The following CHM variants were observed in gnomAD, a reference collection of about 807,000 sequenced individuals.
The protein encoded by CHM is rab proteins geranylgeranyltransferase component A 1.
CHM carries 10 observed loss-of-function variants against 49.0 expected under a neutral mutation model. The ratio of observed to expected loss-of-function variants is 0.20; its 90% CI spans 0.13 to 0.35. CHM has a LOEUF of 0.35. CHM is among the 10% of genes least tolerant of loss of function. CHM has a pLI of 1.00. For missense variants in CHM, 455 were observed against 478.4 expected, an observed-to-expected ratio of 0.95 and a Z score of 0.46; for synonymous variants, 184 against 167.5, an observed-to-expected ratio of 1.10 and a Z score of -0.76.
chrX:86,003,442 G>C (rs1362633290), intron 2 of CHM, among the ~76,000 whole-genome samples: 1 of 112,042 alleles, frequency 8.9e-6, no homozygotes, highest in African/African-American at 3.2e-5. Flanking sequence ...GCTTCAGAAG[G>C]TCGGTAATAA....
chrX:85,865,642 T>C (rs1028143714), intron 14 of CHM, among the ~76,000 whole-genome samples: 1 of 111,465 alleles, frequency 9.0e-6, no homozygotes, highest in Non-Finnish European at 1.9e-5. Flanking sequence ...TGGGAAAATT[T>C]GGAACTTTCT....
intron 2 of CHM, among the ~76,000 whole-genome samples, chrX:85,985,003 C>T (rs1040595134): frequency 3.6e-5 from 4 of 111,525 alleles, no homozygotes; most frequent in Non-Finnish European, 7.5e-5. Context: ...AGGTTAGACC[C>T]CCATACATAC....
intron 9 of CHM, among the ~76,000 whole-genome samples, chrX:85,901,453 A>G (rs1456355563): frequency 1.8e-5 from 2 of 111,439 alleles, no homozygotes; most frequent in Non-Finnish European, 3.8e-5. Flanking sequence ...TAATAAGAAT[A>G]AAGTCAGGAT....
At chrX:85,938,459 CTT>C (rs1928911892) in intron 8 of CHM, among the ~76,000 whole-genome samples, 1 of 109,532 alleles carries the variant, frequency 9.1e-6, no homozygotes, top group Non-Finnish European at 1.9e-5. Flanking sequence ...GGGATAGAAG[CTT>C]TTTGTCAATC....
chrX:85,905,250 G>A (rs1048290423), intron 9 of CHM, among the ~76,000 whole-genome samples: 1 of 110,564 alleles, frequency 9.0e-6, no homozygotes, highest in African/African-American at 3.3e-5. Flanking sequence ...TTTTGATTCC[G>A]CTTTATAAAT....
At chrX:85,890,865 G>A (rs779040051) in intron 12 of CHM, among the ~76,000 whole-genome samples, 2 of 111,790 alleles carry the variant, frequency 1.8e-5, no homozygotes, top group Non-Finnish European at 3.8e-5. Context: ...ACAGGAAAAT[G>A]TGGGAAAGTT....
Position 85,956,287 on chromosome X carries a change from T to C in CHM, c.1032A>G (p.Thr344=). 1 of 1,211,950 alleles carries C rather than the reference T, an allele frequency of 8.3e-7. No individual in the cohort carries two copies. The highest frequency in any genetic ancestry group is 1.1e-6 in the Non-Finnish European group (1 of 895,503). The part of the protein sequence containing the change: ...QYIVMHSIAM[T]SETASSTIDG... ...CTATGGTGCTGCTGGCTGTCTCTGA[T>C]GTCATTGCAATTGAATGCATGACAA... Residue 344 remains threonine, a synonymous_variant, in exon 8 of 15, where the codon ACA becomes ACG. Transcript: ENST00000357749.
At chrX:85,967,861 C>T (rs1308358833) in intron 4 of CHM, among the ~76,000 whole-genome samples, 1 of 111,303 alleles carries the variant, frequency 9.0e-6, no homozygotes, top group Non-Finnish European at 1.9e-5. Flanking sequence ...TCTAGTACTG[C>T]TTCCCAATTA....
intron 5 of CHM, among the ~76,000 whole-genome samples, chrX:85,962,620 G>A (rs1449663375): frequency 9.0e-6 from 1 of 111,652 alleles, no homozygotes; most frequent in African/African-American, 3.3e-5. Context: ...TGCTAGTTCT[G>A]TGGCAAGTCT....
chrX:86,021,142 A>ACG (rs1933572630), intron 2 of CHM, among the ~76,000 whole-genome samples: 2 of 52,516 alleles, frequency 3.8e-5, no homozygotes, highest in African/African-American at 8.5e-5. Flanking sequence ...ATATATATAT[A>ACG]TATATATATA....
At chrX:86,045,695 G>A (rs1934626625) in intron 1 of CHM, among the ~76,000 whole-genome samples, 1 of 110,644 alleles carries the variant, frequency 9.0e-6, no homozygotes, top group African/African-American at 3.3e-5. Context: ...GAACTGTACA[G>A]AAGGCAAAAT....
chrX:86,040,680 G>A (rs769873884), intron 1 of CHM, among the ~76,000 whole-genome samples: 45 of 112,108 alleles, frequency 4.0e-4, no homozygotes, highest in African/African-American at 1.0e-3. Flanking sequence ...TCTCCTGTCT[G>A]TTTGCAAACT....
intron 6 of CHM, among the ~76,000 whole-genome samples, chrX:85,958,218 T>G (rs1930103794): frequency 8.9e-6 from 1 of 112,174 alleles, no homozygotes; most frequent in Non-Finnish European, 1.9e-5. Flanking sequence ...CATGTCATCC[T>G]AACAGAGAAA....
intron 5 of CHM, among the ~76,000 whole-genome samples, chrX:85,960,794 T>G (rs1396116569): frequency 9.0e-6 from 1 of 111,308 alleles, no homozygotes; most frequent in Non-Finnish European, 1.9e-5. Context: ...CAGTGCAATT[T>G]GATTACAATA....
In CHM at chrX:85,879,068, T is replaced by TAA; in HGVS notation, c.1511-7_1511-6dup. On this transcript the variant is annotated splice_region_variant and splice_polypyrimidine_tract_variant and intron_variant, in intron 12 of 14. Transcript: ENST00000357749. ...TGCAAGTCAAATGAACCAAATCTGT[T>TAA]AAAAAAAAAATATTTGAGTTCCTTG... The TAA allele has an allele frequency of 2.8e-6, 3 of 1,070,086 alleles. No individual in the cohort carries two copies. Among genetic ancestry groups the TAA allele is most frequent in the Non-Finnish European group, 3.8e-6 (3 of 785,188 alleles). The allele number at this position is 1,070,086 out of a possible 1,213,427, so 88.2% of individuals were successfully genotyped here. A position where few individuals can be genotyped will look rare whatever the true frequency, so the allele number is the denominator to read the frequency against.
chrX:85,936,996 G>A (rs1033503819), intron 8 of CHM, among the ~76,000 whole-genome samples: 1 of 111,580 alleles, frequency 9.0e-6, no homozygotes, highest in African/African-American at 3.3e-5. Flanking sequence ...GCCGGGTGCA[G>A]TGGCTCACGC....
intron 2 of CHM, among the ~76,000 whole-genome samples, chrX:86,004,980 G>A (rs1218111627): frequency 3.6e-5 from 4 of 111,685 alleles, no homozygotes; most frequent in Admixed American, 9.5e-5. Context: ...GCATCACATC[G>A]CACTTATTCC....
At position 85,864,449 on chromosome X, in the gene CHM, A is replaced by G; in HGVS notation, c.*181T>C. The G allele has an allele frequency of 2.2e-6, 1 of 458,967 alleles. No homozygotes were observed. Among genetic ancestry groups the G allele is most frequent in the Non-Finnish European group, 3.8e-6 (1 of 260,410 alleles). 37.8% of individuals were successfully genotyped at this position (458,967 alleles called of 1,213,427 possible). On this transcript the variant is annotated 3_prime_UTR_variant, in exon 15 of 15. Coordinates refer to ENST00000357749, the MANE Select transcript of CHM (RefSeq NM_000390.4). ...TAAAATGAGCAAGTCAATGTGCTTT[A>G]TAAGTGTTGTGTGTTCTTGGAATGT...
At chrX:86,041,353 T>A (rs1024695624) in intron 1 of CHM, among the ~76,000 whole-genome samples, 6 of 110,968 alleles carry the variant, frequency 5.4e-5, no homozygotes, top group African/African-American at 2.0e-4. Flanking sequence ...AAAAACATAC[T>A]TTTCCATCAA....
Sources: allele counts gnomAD v4.1 joint callset (sites outside exome capture counted in the v4.1 genomes callset), GRCh38; gene constraint gnomAD v4.1.1; transcripts MANE v1.5; gene names NCBI Gene and HGNC (gene_info 2026-07-23, HGNC 2026-07-21).